Variants in SFPQ observed in about 807,000 individuals in gnomAD.
SFPQ encodes the protein splicing factor, proline- and glutamine-rich.
Under a neutral mutation model 72.9 loss-of-function variants are expected in SFPQ, and 11 were observed. The observed-to-expected ratio is 0.15, with a 90% CI of 0.09 to 0.25. The LOEUF (loss-of-function observed/expected upper bound fraction) is 0.25, where lower values mean the gene tolerates loss of function less well. Ranked by LOEUF, SFPQ falls within the 10% of genes least tolerant of loss-of-function variation. The pLI is 1.00. For missense variants in SFPQ, 847 were observed against 993.3 expected (o/e 0.85, Z 1.98); for synonymous variants, 506 against 367.3 (o/e 1.38, Z -4.32).
chr1:35,178,902 T>C, downstream of SFPQ: 2 of 1,005,468 alleles, frequency 2.0e-6, no homozygotes, highest in South Asian at 9.5e-5. Flanking sequence ...AAAAAAAAAA[T>C]ATTTTTTTCA....
chr1:35,192,784 G>GGCGGCGGCTGATGCGGTGGCGGCTGCT lies in SFPQ; in HGVS notation c.239_265dup (p.Gln80_Pro88dup). Reference sequence around the variant, plus strand: ...CTGCTGCTGATGCGGCTGTGGATGCGGCGGCGGCTGATGCGGTGGCGGCTG... The same window carrying GGCGGCGGCTGATGCGGTGGCGGCTGCT: ...CTGCTGCTGATGCGGCTGTGGATGCGGCGGCGGCTGATGCGGTGGCGGCTGCTGCGGCGGCTGATGCGGTGGCGGCTG... On this transcript the variant is annotated inframe_insertion, in exon 1 of 10. Coordinates refer to ENST00000357214, the MANE Select transcript of SFPQ (RefSeq NM_005066.3). 6.7e-7 allele frequency: 1 copy of GGCGGCGGCTGATGCGGTGGCGGCTGCT among 1,497,764 alleles called. No individual in the cohort carries two copies. Among genetic ancestry groups the GGCGGCGGCTGATGCGGTGGCGGCTGCT allele is most frequent in the South Asian group, 1.3e-5 (1 of 79,980 alleles). 92.8% of individuals were successfully genotyped at this position (1,497,764 alleles called of 1,614,324 possible).
intron 6 of SFPQ, 71 bp downstream of exon 6, chr1:35,188,932 G>C: frequency 7.9e-7 from 1 of 1,258,648 alleles, no homozygotes; most frequent in Non-Finnish European, 1.1e-6. Context: ...CTGCACTCCA[G>C]CCCGGGCAAC....
chr1:35,190,813 A>C lies in SFPQ; in HGVS notation c.1200T>G (p.Ala400=), dbSNP rs1303494894. 1 of 1,614,224 alleles carries C rather than the reference A, an allele frequency of 6.2e-7. No individual in the cohort carries two copies. Among genetic ancestry groups the C allele is most frequent in the Non-Finnish European group, 8.5e-7 (1 of 1,180,048 alleles). ...AFSQFGPIER[A]VVIVDDRGRS... ...TTCCACGATCATCCACTATTACAAC[A>C]GCCCTTTCAATAGGACCAAATTGGC... is the stretch of plus-strand genomic sequence containing the variant. Residue 400 remains alanine (A), a synonymous_variant, in exon 3 of 10, where the codon GCT becomes GCG. Coordinates refer to ENST00000357214, the MANE Select transcript of SFPQ (RefSeq NM_005066.3).
intron 9 of SFPQ, among the ~76,000 whole-genome samples, chr1:35,186,005 AAT>A (rs1196446108): frequency 2.6e-5 from 4 of 152,192 alleles, no homozygotes; most frequent in African/African-American, 9.7e-5. Context: ...TACTCTGAAA[AAT>A]CTAAAGAAAG....
chr1:35,192,258 G>T lies in SFPQ; in HGVS notation c.792C>A (p.Pro264=). ...AGATCTTCTCCTCGCTGCGGCCGCCGGGCCCGCCGGGCGGGGGCCCCTGGT... is the reference window on the plus strand; with the variant it reads ...AGATCTTCTCCTCGCTGCGGCCGCCTGGCCCGCCGGGCGGGGGCCCCTGGT... The part of the protein sequence containing the change: ...QHHQGPPPGG[P]GGRSEEKISD... The change falls in exon 1 of 10, where the codon CCC becomes CCA. Residue 264 remains proline, a synonymous_variant. Coordinates refer to ENST00000357214, the MANE Select transcript of SFPQ (RefSeq NM_005066.3). 1 of 1,463,078 alleles carries T rather than the reference G, an allele frequency of 6.8e-7. No homozygotes were observed. Among genetic ancestry groups the T allele is most frequent in the South Asian group, 1.3e-5 (1 of 76,892 alleles). 90.6% of individuals were successfully genotyped at this position (1,463,078 alleles called of 1,614,324 possible). A position where few individuals can be genotyped will look rare whatever the true frequency, so the allele number is the denominator to read the frequency against.
chr1:35,181,267 G>A, downstream of SFPQ: 1 of 1,065,798 alleles, frequency 9.4e-7, no homozygotes, highest in Non-Finnish European at 1.1e-6. Context: ...ATGCAGTTAT[G>A]TAGCAGGCCA....
downstream of SFPQ, chr1:35,180,118 A>T: frequency 9.5e-7 from 1 of 1,049,258 alleles, no homozygotes; most frequent in East Asian, 5.5e-5. Flanking sequence ...TGATACACAG[A>T]AGAAAAGTCT....
chr1:35,191,184 T>C (rs1639978362), intron 2 of SFPQ, among the ~76,000 whole-genome samples, 157 bp downstream of exon 2: 2 of 152,206 alleles, frequency 1.3e-5, no homozygotes, highest in African/African-American at 2.4e-5. Flanking sequence ...GCAACAATTA[T>C]GCATTATACC....
Position 35,192,475 on chromosome 1 carries a change from G to T in SFPQ, c.575C>A (p.Pro192Gln). Residue 192 changes from proline to glutamine, a missense_variant, in exon 1 of 10, where the codon CCG (proline) becomes CAG (glutamine). Pro to Gln is a moderately conservative substitution (Grantham distance 76). Coordinates refer to ENST00000357214, the MANE Select transcript of SFPQ (RefSeq NM_005066.3). The stretch of plus-strand genomic sequence containing the variant: ...CTGCTTAGGCCCTGGACCCGGGCCC[G>T]GGACTGCCGCGGGCGGAGGCGGCGG... ...GGPPPPPAAV[P>Q]GPGPGPKQGP... 7.5e-7 allele frequency: 1 copy of T among 1,334,952 alleles called. No individual in the cohort carries two copies. The allele number at this position is 1,334,952 out of a possible 1,614,324, so 82.7% of individuals were successfully genotyped here. A position where few individuals can be genotyped will look rare whatever the true frequency, so the allele number is the denominator to read the frequency against.
In SFPQ at chr1:35,191,146, C is replaced by G. The variant is rs1639976695; in HGVS notation, c.1018-151G>C. ...CACCCACTAACACCACTTAGTTTAC[C>G]CACCCCACCCCTCTTTTCTCTTAGG... On this transcript the variant is annotated intron_variant, in intron 2 of 9. Transcript: ENST00000357214. 6.1e-6 allele frequency: 5 copies of G among 815,682 alleles called. No homozygotes were observed. In the South Asian group the frequency reaches 9.1e-5, roughly 15 times the overall value. The allele number at this position is 815,682 out of a possible 1,614,324, so 50.5% of individuals were successfully genotyped here. A position where few individuals can be genotyped will look rare whatever the true frequency, so the allele number is the denominator to read the frequency against.
At position 35,192,495 on chromosome 1, in the gene SFPQ, C is replaced by G. The variant is rs771991418; in HGVS notation, c.555G>C (p.Pro185=). The G allele has an allele frequency of 6.0e-6, 8 of 1,325,412 alleles. No individual in the cohort carries two copies. In the African/African-American group the frequency reaches 1.1e-4, roughly 18 times the overall value. 82.1% of individuals were successfully genotyped at this position (1,325,412 alleles called of 1,614,324 possible). A position where few individuals can be genotyped will look rare whatever the true frequency, so the allele number is the denominator to read the frequency against. Residue 185 remains proline (P), a synonymous_variant, in exon 1 of 10, where the codon CCG becomes CCC. Transcript: ENST00000357214. ...GGCCCGGGACTGCCGCGGGCGGAGG[C>G]GGCGGGCCTCCGGCCTGAGGAGGTG... ...PTTPPQAGGP[P]PPPAAVPGPG... is the part of the protein sequence containing the mutation.
At chr1:35,182,050 A>G (rs1021894484), downstream of SFPQ, 1 of 985,172 alleles carries the variant, frequency 1.0e-6, no homozygotes, top group African/African-American at 1.7e-5. Context: ...GTACAGTACT[A>G]CCAAAAGCTT....
chr1:35,180,987 A>C (rs2148606674), downstream of SFPQ: 1 of 1,064,992 alleles, frequency 9.4e-7, no homozygotes, highest in Non-Finnish European at 1.1e-6. Context: ...CTAACCCCAC[A>C]CCCACACAGT....
At chr1:35,182,706 A>G, downstream of SFPQ, 1 of 985,446 alleles carries the variant, frequency 1.0e-6, no homozygotes, top group Non-Finnish European at 1.2e-6. Flanking sequence ...TTCCATAGTA[A>G]GAATTCTACA....
chr1:35,192,539 T>C lies in SFPQ; in HGVS notation c.511A>G (p.Ser171Gly). ...PPGAPPPTPP[S>G]SGVPTTPPQA... ...GGAGGTGTGGTAGGGACCCCGCTGC[T>C]TGGCGGGGTGGGTGGCGGCGCCCCG... Residue 171 changes from serine (S) to glycine (G), a missense_variant, in exon 1 of 10, where the codon AGC becomes GGC. Physicochemically the swap from Ser to Gly is moderately conservative, Grantham distance 56. Coordinates refer to ENST00000357214, the MANE Select transcript of SFPQ (RefSeq NM_005066.3). The C allele has an allele frequency of 7.5e-7, 1 of 1,326,452 alleles. No homozygotes were observed. The highest frequency in any genetic ancestry group is 9.6e-7 in the Non-Finnish European group (1 of 1,044,468). The allele number at this position is 1,326,452 out of a possible 1,614,324, so 82.2% of individuals were successfully genotyped here.
Position 35,193,113 on chromosome 1 carries a change from C to T in SFPQ, c.-64G>A, listed in dbSNP as rs1263866744. 1.3e-5 allele frequency: 19 copies of T among 1,489,916 alleles called. No homozygotes were observed. The highest frequency in any genetic ancestry group is 3.9e-5 in the South Asian group (3 of 77,552). The allele number at this position is 1,489,916 out of a possible 1,614,324, so 92.3% of individuals were successfully genotyped here. A position where few individuals can be genotyped will look rare whatever the true frequency, so the allele number is the denominator to read the frequency against. On this transcript the variant is annotated 5_prime_UTR_variant, in exon 1 of 10. Transcript: ENST00000357214. ...GACGCTCAGGAAACGTGGAGGCCAC[C>T]TTGCTTCTCACAAAATGGCGGATGA...
chr1:35,178,256 A>G (rs1439123421), downstream of SFPQ: 3 of 1,091,734 alleles, frequency 2.7e-6, no homozygotes, highest in Non-Finnish European at 3.4e-6. Context: ...TGAAAACTGT[A>G]TTTTCTTTAA....
At chr1:35,191,047 C>T (rs1639969435) in intron 2 of SFPQ, 52 bp from the exon 3 acceptor site, 1 of 1,476,214 alleles carries the variant, frequency 6.8e-7, no homozygotes, top group South Asian at 1.2e-5. Context: ...ATGATGTCTA[C>T]TCTTAAATTG....
At chr1:35,186,956 GA>G in intron 9 of SFPQ, 44 bp downstream of exon 9, 1 of 1,568,192 alleles carries the variant, frequency 6.4e-7, no homozygotes, top group Non-Finnish European at 8.7e-7. Context: ...CCTAAGTTGT[GA>G]AAATGAGAAT....
Sources: gnomAD v4.1 joint callset for allele counts (sites outside exome capture counted in the v4.1 genomes callset) on GRCh38, gnomAD v4.1.1 for gene constraint, MANE v1.5 for transcripts, NCBI Gene and HGNC (gene_info 2026-07-23, HGNC 2026-07-21) for gene names.